CNTN5: variants seen among roughly 807,000 people sequenced by gnomAD.
CNTN5 encodes contactin 5.
Under a neutral mutation model 129.1 loss-of-function variants are expected in CNTN5, and 77 were observed. That is an observed-to-expected ratio of 0.60 (90% CI 0.50 to 0.72). The LOEUF (loss-of-function observed/expected upper bound fraction) is 0.72. Among genes scored for constraint, CNTN5 ranks in the 30% least tolerant of loss-of-function variants. The probability of loss-of-function intolerance (pLI) is 0.00; values close to 1 mark genes in which losing one functional copy is unlikely to be tolerated. For missense variants in CNTN5, 1,478 were observed against 1,328.8 expected, an observed-to-expected ratio of 1.11 and a Z score of -1.75; for synonymous variants, 509 against 465.6, an observed-to-expected ratio of 1.09 and a Z score of -1.20.
chr11:99,879,137 C>T (rs1948708605), intron 6 of CNTN5, among the ~76,000 whole-genome samples: 1 of 151,834 alleles, frequency 6.6e-6, no homozygotes, highest in South Asian at 2.1e-4. Context: ...GGGGTTTCAC[C>T]ATGTTGGCCG....
chr11:99,125,344 TA>T (rs34985933), intron 1 of CNTN5, among the ~76,000 whole-genome samples: 9,935 of 149,474 alleles, frequency 0.066, 360 homozygotes, highest in African/African-American at 0.088. Flanking sequence ...TCAACAGAAC[TA>T]AAAAAAAAAC....
intron 18 of CNTN5, among the ~76,000 whole-genome samples, chr11:100,288,159 G>T (rs987124478): frequency 9.7e-4 from 147 of 152,154 alleles, no homozygotes; most frequent in African/African-American, 3.4e-3. Flanking sequence ...ATTAATAATG[G>T]GAGACTTTAA....
At chr11:99,613,178 T>C (rs1239022799) in intron 3 of CNTN5, among the ~76,000 whole-genome samples, 2 of 152,180 alleles carry the variant, frequency 1.3e-5, no homozygotes, top group African/African-American at 4.8e-5. Context: ...TCATCTTGAA[T>C]TGTAAGCACC....
intron 13 of CNTN5, among the ~76,000 whole-genome samples, chr11:100,077,682 C>T (rs998229852): frequency 6.6e-6 from 1 of 151,562 alleles, no homozygotes; most frequent in African/African-American, 2.4e-5. Context: ...GAAGAAAAAA[C>T]AACTTAAATA....
intron 13 of CNTN5, among the ~76,000 whole-genome samples, chr11:100,164,140 A>G (rs1223700073): frequency 1.3e-5 from 2 of 151,804 alleles, no homozygotes; most frequent in Non-Finnish European, 2.9e-5. Flanking sequence ...TGAATTTTAA[A>G]TCAAAAGCTT....
At chr11:99,724,263 G>T (rs999145553) in intron 3 of CNTN5, among the ~76,000 whole-genome samples, 2 of 152,014 alleles carry the variant, frequency 1.3e-5, no homozygotes, top group Admixed American at 6.6e-5. Flanking sequence ...GGGATTTTCT[G>T]TTCTCTGCTT....
intron 1 of CNTN5, among the ~76,000 whole-genome samples, chr11:99,042,565 C>T (rs1457333375): frequency 7.3e-5 from 11 of 151,672 alleles, no homozygotes; most frequent in Admixed American, 5.9e-4. Context: ...TCAGTAGAGA[C>T]GGGGTTTCAC....
chr11:99,463,209 C>T (rs1178409814), intron 2 of CNTN5, among the ~76,000 whole-genome samples: 48 of 150,836 alleles, frequency 3.2e-4, no homozygotes, highest in African/African-American at 1.2e-3. Flanking sequence ...GAGGCCGAGG[C>T]GGGTAGATCA....
intron 18 of CNTN5, among the ~76,000 whole-genome samples, chr11:100,287,515 T>C (rs1341878767): frequency 4.0e-5 from 6 of 150,524 alleles, no homozygotes; most frequent in African/African-American, 1.5e-4. Flanking sequence ...CTAAGCTTCA[T>C]AAGTGAAGGA....
chr11:100,088,560 A>T (rs576779342), intron 13 of CNTN5, among the ~76,000 whole-genome samples: 1 of 151,590 alleles, frequency 6.6e-6, no homozygotes, highest in Non-Finnish European at 1.5e-5. Context: ...GTCACATTAC[A>T]ACCAATCCCA....
intron 1 of CNTN5, among the ~76,000 whole-genome samples, chr11:99,225,996 T>C (rs1327301369): frequency 6.6e-6 from 1 of 152,160 alleles, no homozygotes; most frequent in African/African-American, 2.4e-5. Flanking sequence ...TTGATAATCA[T>C]TTTACTAAGG....
chr11:99,923,785 A>ATCTATCTATCTATCTG, intron 7 of CNTN5, among the ~76,000 whole-genome samples: 1 of 151,596 alleles, frequency 6.6e-6, no homozygotes, highest in South Asian at 2.1e-4. Context: ...CTATCTATCT[A>ATCTATCTATCTATCTG]TCTATCTATC....
intron 13 of CNTN5, among the ~76,000 whole-genome samples, chr11:100,125,911 A>G (rs991136581): frequency 6.6e-6 from 1 of 151,878 alleles, no homozygotes; most frequent in African/African-American, 2.4e-5. Flanking sequence ...TTAATTTAAG[A>G]GCTTTCTATT....
intron 6 of CNTN5, among the ~76,000 whole-genome samples, chr11:99,874,378 G>A (rs915359624): frequency 6.6e-6 from 1 of 152,088 alleles, no homozygotes; most frequent in African/African-American, 2.4e-5. Flanking sequence ...AGCTCAACAT[G>A]TTGCCAGAAT....
chr11:100,185,924 T>C (rs1948288706), intron 13 of CNTN5, among the ~76,000 whole-genome samples: 1 of 152,136 alleles, frequency 6.6e-6, no homozygotes, highest in African/African-American at 2.4e-5. Flanking sequence ...TAAATTTCTG[T>C]TGTTAAACAA....
At chr11:99,869,121 A>ATT (rs1948434011) in intron 6 of CNTN5, among the ~76,000 whole-genome samples, 1 of 152,180 alleles carries the variant, frequency 6.6e-6, no homozygotes, top group South Asian at 2.1e-4. Context: ...CTAATAAAAC[A>ATT]TTATGTTTCA....
At position 99,340,243 on chromosome 11, in the gene CNTN5, C is replaced by T. The variant is rs189596628; in HGVS notation, c.-71+14759C>T. On this transcript the variant is annotated intron_variant, in intron 2 of 24. Coordinates refer to ENST00000524871, the MANE Select transcript of CNTN5 (RefSeq NM_014361.4). ...ATCATTTCCAGACAGGTGTGGGGTGCGTATTTGATATACTAGCAAAGATGT... is the reference window on the plus strand; with the variant it reads ...ATCATTTCCAGACAGGTGTGGGGTGTGTATTTGATATACTAGCAAAGATGT... Among the ~76,000 whole-genome samples, 231 of 151,894 alleles carry T rather than the reference C, an allele frequency of 1.5e-3. 1 individual carries two copies. Among genetic ancestry groups the T allele is most frequent in the Non-Finnish European group, 2.6e-3 (176 of 67,976 alleles).
intron 1 of CNTN5, among the ~76,000 whole-genome samples, chr11:99,024,996 T>C (rs1351025014): frequency 1.3e-5 from 2 of 152,144 alleles, no homozygotes; most frequent in East Asian, 3.8e-4. Flanking sequence ...TTGTTTTTTC[T>C]CTTTTTCTAA....
chr11:99,952,117 A>G (rs958928917), intron 7 of CNTN5, among the ~76,000 whole-genome samples: 1 of 152,156 alleles, frequency 6.6e-6, no homozygotes, highest in African/African-American at 2.4e-5. Context: ...TATATTTCCC[A>G]CCAATTTCAG....
Sources: gnomAD v4.1 joint callset for allele counts (sites outside exome capture counted in the v4.1 genomes callset) on GRCh38, gnomAD v4.1.1 for gene constraint, MANE v1.5 for transcripts, NCBI Gene and HGNC (gene_info 2026-07-23, HGNC 2026-07-21) for gene names.